CCDC102B: variants seen among roughly 807,000 people sequenced by gnomAD.
CCDC102B encodes coiled-coil domain-containing protein 102B.
In CCDC102B, 75 loss-of-function variants were observed where a neutral mutation model predicts 57.4. The observed-to-expected ratio is 1.31, with a 90% CI of 1.08 to 1.58. The LOEUF (loss-of-function observed/expected upper bound fraction) is 1.58, where lower values mean the gene tolerates loss of function less well. CCDC102B is among the 40% of genes most tolerant of loss of function. CCDC102B has a pLI of 0.00. For missense variants in CCDC102B, 636 were observed against 582.6 expected, an observed-to-expected ratio of 1.09 and a Z score of -0.94; for synonymous variants, 206 against 201.9, an observed-to-expected ratio of 1.02 and a Z score of -0.17.
At chr18:68,852,938 T>A (rs1369202608) in intron 4 of CCDC102B, among the ~76,000 whole-genome samples, 1 of 152,198 alleles carries the variant, frequency 6.6e-6, no homozygotes, top group Admixed American at 6.5e-5. Context: ...CTAACAGGAC[T>A]ATGACAGAAG....
chr18:68,825,706 T>C (rs947938039), intron 1 of CCDC102B, among the ~76,000 whole-genome samples: 1 of 152,022 alleles, frequency 6.6e-6, no homozygotes, highest in Non-Finnish European at 1.5e-5. Context: ...TGATAATAAA[T>C]AAATAAATAA....
chr18:68,741,358 C>T (rs1470350533), intron 2 of CCDC102B, among the ~76,000 whole-genome samples: 2 of 152,148 alleles, frequency 1.3e-5, no homozygotes, highest in African/African-American at 2.4e-5. Context: ...CTTTCCCAGA[C>T]AGGCATGATT....
At chr18:68,873,832 A>G (rs981821349) in intron 4 of CCDC102B, among the ~76,000 whole-genome samples, 1 of 110,000 alleles carries the variant, frequency 9.1e-6, no homozygotes, top group African/African-American at 2.7e-5. Context: ...CTTAAAATAT[A>G]TGTCAATACA....
chr18:68,973,521 G>A (rs994051700), intron 6 of CCDC102B, among the ~76,000 whole-genome samples: 2 of 151,964 alleles, frequency 1.3e-5, no homozygotes, highest in Admixed American at 6.6e-5. Context: ...CCATCGACAT[G>A]GTACACTGAT....
chr18:68,996,377 C>A (rs1174148045), intron 6 of CCDC102B, among the ~76,000 whole-genome samples: 1 of 152,202 alleles, frequency 6.6e-6, no homozygotes, highest in African/African-American at 2.4e-5. Flanking sequence ...GAAGGCTGCA[C>A]TCTCTGCTTC....
chr18:68,863,779 A>G (rs1204935163), intron 4 of CCDC102B, among the ~76,000 whole-genome samples: 1 of 151,910 alleles, frequency 6.6e-6, no homozygotes, highest in African/African-American at 2.4e-5. Context: ...ATGTGTTTCA[A>G]TCTATTACTC....
At chr18:68,928,645 G>A (rs973468143) in intron 6 of CCDC102B, among the ~76,000 whole-genome samples, 2 of 151,802 alleles carry the variant, frequency 1.3e-5, no homozygotes, top group Non-Finnish European at 2.9e-5. Context: ...GAGTGGAAAG[G>A]GAAGAAATGG....
intron 6 of CCDC102B, among the ~76,000 whole-genome samples, chr18:68,945,550 A>G (rs2049515304): frequency 6.6e-6 from 1 of 152,132 alleles, no homozygotes. Flanking sequence ...GTTGGTTGGC[A>G]GGACATCTTA....
At chr18:68,801,488 A>T (rs2035850816) in intron 1 of CCDC102B, among the ~76,000 whole-genome samples, 1 of 152,150 alleles carries the variant, frequency 6.6e-6, no homozygotes, top group Non-Finnish European at 1.5e-5. Flanking sequence ...TGTGTCATAA[A>T]TATATTAAAA....
chr18:69,024,078 G>A (rs2051919043), intron 7 of CCDC102B, among the ~76,000 whole-genome samples: 1 of 151,398 alleles, frequency 6.6e-6, no homozygotes, highest in Non-Finnish European at 1.5e-5. Context: ...AAATTTTCCT[G>A]TACAAAAAAA....
intron 7 of CCDC102B, among the ~76,000 whole-genome samples, chr18:69,016,788 A>T (rs910312790): frequency 1.3e-5 from 2 of 152,144 alleles, no homozygotes; most frequent in South Asian, 4.1e-4. Context: ...ACTCTGCCAT[A>T]ACTTATTTTA....
chr18:68,718,269 T>C (rs1430856044), intron 2 of CCDC102B: 1 of 152,216 alleles, frequency 6.6e-6, no homozygotes, highest in African/African-American at 2.4e-5. Context: ...CTCGAATGTC[T>C]AATAGTATAA....
At chr18:68,841,459 A>C (rs993066321) in intron 3 of CCDC102B, among the ~76,000 whole-genome samples, 4 of 152,334 alleles carry the variant, frequency 2.6e-5, no homozygotes, top group African/African-American at 9.6e-5. Context: ...GTTGACTTTC[A>C]TAAAGACTTC....
chr18:69,047,844 C>A (rs902565292), intron 7 of CCDC102B, among the ~76,000 whole-genome samples: 2 of 152,092 alleles, frequency 1.3e-5, no homozygotes, highest in African/African-American at 4.8e-5. Context: ...GGTAAAATAT[C>A]TCTACAATGA....
chr18:68,938,773 A>G (rs1475226811), intron 6 of CCDC102B, among the ~76,000 whole-genome samples: 5 of 151,588 alleles, frequency 3.3e-5, no homozygotes, highest in Non-Finnish European at 5.9e-5. Context: ...AATGGCCATC[A>G]TATCAGCAGA....
At chr18:69,026,671 G>A (rs1355402860) in intron 7 of CCDC102B, among the ~76,000 whole-genome samples, 1 of 152,064 alleles carries the variant, frequency 6.6e-6, no homozygotes, top group Admixed American at 6.6e-5. Flanking sequence ...AGTAGTTCTG[G>A]GGCGGGAGAA....
intron 7 of CCDC102B, among the ~76,000 whole-genome samples, chr18:69,039,780 GCA>G (rs1423369912): frequency 2.0e-5 from 3 of 151,738 alleles, no homozygotes; most frequent in Non-Finnish European, 4.4e-5. Context: ...AGAATTGTTA[GCA>G]GTAGAAACAA....
At chr18:68,762,395 G>T (rs968742927) in intron 2 of CCDC102B, among the ~76,000 whole-genome samples, 1 of 151,780 alleles carries the variant, frequency 6.6e-6, no homozygotes, top group Non-Finnish European at 1.5e-5. Flanking sequence ...GTTGTTGTTT[G>T]TTTTTTGTTT....
At chr18:68,871,047 T>A (rs2039220308) in intron 4 of CCDC102B, among the ~76,000 whole-genome samples, 1 of 152,186 alleles carries the variant, frequency 6.6e-6, no homozygotes, top group Non-Finnish European at 1.5e-5. Flanking sequence ...CTGATAATTT[T>A]CCAGAAGTGA....
Sources: gnomAD v4.1 joint callset for allele counts (sites outside exome capture counted in the v4.1 genomes callset) on GRCh38, gnomAD v4.1.1 for gene constraint, MANE v1.5 for transcripts, NCBI Gene and HGNC (gene_info 2026-07-23, HGNC 2026-07-21) for gene names.